The following SLC7A2 variants were observed in gnomAD, a reference collection of about 807,000 sequenced individuals.
SLC7A2 encodes the protein cationic amino acid transporter 2.
A neutral mutation model predicts 58.9 loss-of-function variants in SLC7A2; 48 were observed. The ratio of observed to expected loss-of-function variants is 0.82; its 90% confidence interval spans 0.65 to 1.04. The LOEUF is 1.04. SLC7A2 is among the 50% of genes least tolerant of loss of function. The pLI, the probability that SLC7A2 is intolerant of heterozygous loss-of-function variation, is 0.00. For synonymous variants in SLC7A2, 363 were observed against 314.5 expected (o/e 1.15, Z -1.63); for missense variants, 1,029 against 818.8 (o/e 1.26, Z -3.13).
chr8:17,555,190 C>G (rs1033969186), intron 8 of SLC7A2: 1 of 938,468 alleles, frequency 1.1e-6, no homozygotes, highest in East Asian at 2.7e-5. Flanking sequence ...TTAAAAAAAA[C>G]AAAATCACTG....
At chr8:17,546,055 C>T (rs576166781) in intron 4 of SLC7A2, among the ~76,000 whole-genome samples, 1 of 152,270 alleles carries the variant, frequency 6.6e-6, no homozygotes, top group South Asian at 2.1e-4. Flanking sequence ...AGAGAAGTTG[C>T]ACCAATTGTT....
At chr8:17,516,653 C>T (rs1800815632) in intron 2 of SLC7A2, among the ~76,000 whole-genome samples, 1 of 152,234 alleles carries the variant, frequency 6.6e-6, no homozygotes. Flanking sequence ...CAGCTGTACC[C>T]TTGCTTATTG....
At chr8:17,539,022 G>T in intron 2 of SLC7A2, 1 of 1,061,384 alleles carries the variant, frequency 9.4e-7, no homozygotes, top group South Asian at 1.4e-5. Flanking sequence ...ATTTCTAAGT[G>T]ACTCAATGCA....
intron 8 of SLC7A2, chr8:17,555,001 G>C: frequency 6.2e-7 from 1 of 1,614,042 alleles, no homozygotes; most frequent in Non-Finnish European, 8.5e-7. Flanking sequence ...GGCCCGGGAT[G>C]GCTTACTGTT....
At chr8:17,551,401 C>G (rs1170974575) in intron 6 of SLC7A2, among the ~76,000 whole-genome samples, 1 of 152,162 alleles carries the variant, frequency 6.6e-6, no homozygotes, top group Non-Finnish European at 1.5e-5. Context: ...GAATTAGAGA[C>G]TAGACTGGCC....
At chr8:17,543,207 CA>C in intron 2 of SLC7A2, 110 bp from the exon 3 acceptor site, 1 of 982,094 alleles carries the variant, frequency 1.0e-6, no homozygotes, top group Non-Finnish European at 1.5e-6. Flanking sequence ...CACACACACA[CA>C]CACACACAAA....
At position 17,565,000 on chromosome 8, in the gene SLC7A2, C is replaced by T. The variant is rs138744168; in HGVS notation, c.1831C>T (p.Leu611=). ...YGIRHSLEGH[L]RDENNEEDAY... Reference sequence around the variant, plus strand: ...CATTAGACACAGCCTGGAGGGTCATCTGAGAGATGAAAACAATGAAGAAGA... The same window carrying T: ...CATTAGACACAGCCTGGAGGGTCATTTGAGAGATGAAAACAATGAAGAAGA... Residue 611 remains leucine, a synonymous_variant, in exon 13 of 13, where the codon CTG becomes TTG. Coordinates refer to ENST00000494857, the MANE Select transcript of SLC7A2 (RefSeq NM_001370338.1). The T allele has an allele frequency of 6.2e-7, 1 of 1,613,606 alleles. No individual in the cohort carries two copies. The highest frequency in any genetic ancestry group is 1.7e-5 in the Admixed American group (1 of 59,938).
intron 2 of SLC7A2, among the ~76,000 whole-genome samples, chr8:17,532,453 C>A (rs1801500245): frequency 6.6e-6 from 1 of 151,890 alleles, no homozygotes; most frequent in South Asian, 2.1e-4. Flanking sequence ...GTTTACTTGT[C>A]CTTTTGTACC....
chr8:17,511,725 CT>C (rs1800612203), intron 2 of SLC7A2, among the ~76,000 whole-genome samples: 2 of 152,278 alleles, frequency 1.3e-5, no homozygotes, highest in East Asian at 3.9e-4. Flanking sequence ...TTTATAATTA[CT>C]GTTAGAAGCT....
intron 2 of SLC7A2, among the ~76,000 whole-genome samples, chr8:17,542,802 T>C (rs1295849661): frequency 6.6e-6 from 1 of 152,010 alleles, no homozygotes; most frequent in African/African-American, 2.4e-5. Context: ...CCTTAGGAAA[T>C]TTTTAGCTTG....
chr8:17,554,027 G>T (rs141646923), intron 7 of SLC7A2, among the ~76,000 whole-genome samples: 9 of 152,084 alleles, frequency 5.9e-5, no homozygotes, highest in African/African-American at 1.7e-4. Context: ...ATCTTATGAT[G>T]CTGGGGATTA....
chr8:17,552,063 CT>C, intron 7 of SLC7A2, 77 bp downstream of exon 7: 3 of 1,173,310 alleles, frequency 2.6e-6, no homozygotes, highest in Non-Finnish European at 1.2e-6. Context: ...TTGCTTTTGT[CT>C]GTTTAAAAAG....
intron 2 of SLC7A2, among the ~76,000 whole-genome samples, chr8:17,529,231 G>GT (rs1442020131): frequency 1.3e-5 from 2 of 152,196 alleles, no homozygotes; most frequent in Non-Finnish European, 2.9e-5. Flanking sequence ...TGCAATCACA[G>GT]TAATTGTCCT....
rs1283643250 is a variant in SLC7A2, at chr8:17,565,158, G to A, written c.*12G>A. Reference sequence around the variant, plus strand: ...CAAGTGAATTCTAACACTTGCAGGAGCAGAGCTGGTCATCGTCTTAGCATA... The same window carrying A: ...CAAGTGAATTCTAACACTTGCAGGAACAGAGCTGGTCATCGTCTTAGCATA... On this transcript the variant is annotated 3_prime_UTR_variant, in exon 13 of 13. Transcript: ENST00000494857. 3 of 1,600,254 alleles carry A rather than the reference G, an allele frequency of 1.9e-6. No homozygotes were observed. The highest frequency in any genetic ancestry group is 1.7e-6 in the Non-Finnish European group (2 of 1,170,044).
intron 2 of SLC7A2, among the ~76,000 whole-genome samples, chr8:17,522,910 C>T (rs1801073859): frequency 6.6e-6 from 1 of 151,936 alleles, no homozygotes; most frequent in East Asian, 1.9e-4. Context: ...GGAGGGTGCC[C>T]CCGTATCCCA....
intron 2 of SLC7A2, chr8:17,538,800 T>A (rs1445141126): frequency 6.2e-7 from 1 of 1,613,552 alleles, no homozygotes; most frequent in East Asian, 2.2e-5. Flanking sequence ...AGAGCAGATG[T>A]CTCACCACGA....
intron 7 of SLC7A2, 75 bp from the exon 8 acceptor site, chr8:17,554,485 A>T: frequency 8.2e-7 from 1 of 1,215,116 alleles, no homozygotes; most frequent in Non-Finnish European, 1.1e-6. Context: ...ATATTATACA[A>T]TTATTTTATT....
chr8:17,546,281 A>G (rs1802169686), intron 4 of SLC7A2, among the ~76,000 whole-genome samples: 2 of 152,238 alleles, frequency 1.3e-5, no homozygotes, highest in Non-Finnish European at 2.9e-5. Context: ...GTCTTGGCTC[A>G]TTTGTCCTGT....
rs117652016 is a variant in SLC7A2, at chr8:17,514,766, A to G, written c.-23+12464A>G. Among the ~76,000 whole-genome samples the G allele has an allele frequency of 1.5e-3, 230 of 152,378 alleles. 3 individuals carry two copies. The highest frequency in any genetic ancestry group is 2.2e-3 in the Admixed American group (34 of 15,302). ...AAGCAGATTCTACTTGTTCAAGTTT[A>G]TGAGTTACAACTACCTGAAGTCTCA... On this transcript the variant is annotated intron_variant, in intron 2 of 12. Transcript: ENST00000494857.
Sources: gnomAD v4.1 joint callset for allele counts (sites outside exome capture counted in the v4.1 genomes callset) on GRCh38, gnomAD v4.1.1 for gene constraint, MANE v1.5 for transcripts, NCBI Gene and HGNC (gene_info 2026-07-23, HGNC 2026-07-21) for gene names.